COMMD7: variants seen among roughly 807,000 people sequenced by gnomAD.
COMMD7 encodes the protein COMM domain-containing protein 7.
A neutral mutation model predicts 34.8 loss-of-function variants in COMMD7; 28 were observed. The ratio of observed to expected loss-of-function variants is 0.80; its 90% CI spans 0.60 to 1.10. COMMD7 has a LOEUF of 1.10. Ranked by LOEUF, COMMD7 falls within the 50% of genes least tolerant of loss-of-function variation. The pLI is 0.00. For missense variants in COMMD7, 211 were observed against 241.6 expected (o/e 0.87, Z 0.84); for synonymous variants, 80 against 86.4 (o/e 0.93, Z 0.41).
intron 3 of COMMD7, among the ~76,000 whole-genome samples, chr20:32,713,360 A>G (rs1033965149): frequency 1.3e-5 from 2 of 152,208 alleles, no homozygotes; most frequent in African/African-American, 4.8e-5. Context: ...ACAGGCACCA[A>G]TTTTCACCAG....
intron 3 of COMMD7, among the ~76,000 whole-genome samples, chr20:32,711,968 A>G (rs1350618968): frequency 6.7e-6 from 1 of 150,332 alleles, no homozygotes; most frequent in East Asian, 2.0e-4. Context: ...GTGGATCACA[A>G]GGTCAAGAGA....
intron 3 of COMMD7, among the ~76,000 whole-genome samples, chr20:32,715,469 C>A (rs1984724011): frequency 6.9e-6 from 1 of 145,416 alleles, no homozygotes; most frequent in South Asian, 2.2e-4. Flanking sequence ...GGCAACACAG[C>A]CGGACCCAGT....
chr20:32,729,153 G>C (rs1233740982), intron 1 of COMMD7, among the ~76,000 whole-genome samples: 1 of 151,320 alleles, frequency 6.6e-6, no homozygotes, highest in Admixed American at 6.6e-5. Context: ...ATAGGGCTGG[G>C]GGCGCTTATT....
At position 32,702,945 on chromosome 20, in the gene COMMD7, G is replaced by A. The variant is rs1416647462; in HGVS notation, c.*437C>T. On this transcript the variant is annotated 3_prime_UTR_variant, in exon 9 of 9. Transcript: ENST00000278980. ...CCAGAGTGTGCAGAAATCCGTGGGG[G>A]CTCTGTATATGTGTCATTCAGACAA... The A allele has an allele frequency of 6.3e-6, 1 of 158,210 alleles. No homozygotes were observed. Among genetic ancestry groups the A allele is most frequent in the Admixed American group, 6.1e-5 (1 of 16,370 alleles). The allele number at this position is 158,210 out of a possible 1,614,324, so 9.8% of individuals were successfully genotyped here. A position where few individuals can be genotyped will look rare whatever the true frequency, so the allele number is the denominator to read the frequency against.
In COMMD7 at chr20:32,743,399, G is replaced by A; in HGVS notation, c.-8C>T. ...GCAGTGCAGGCGGCCCATGGCGCGC[G>A]CCCCAGCCCCGCAGGTTCCACCGCC... On this transcript the variant is annotated 5_prime_UTR_variant, in exon 1 of 9. Coordinates refer to ENST00000278980, the MANE Select transcript of COMMD7 (RefSeq NM_053041.3). The A allele has an allele frequency of 7.4e-7, 1 of 1,355,372 alleles. No individual in the cohort carries two copies. 84.0% of individuals were successfully genotyped at this position (1,355,372 alleles called of 1,614,324 possible).
In COMMD7 at chr20:32,728,009, A is replaced by G; in HGVS notation, c.139-14T>C. 1 of 1,613,470 alleles carries G rather than the reference A, an allele frequency of 6.2e-7. No individual in the cohort carries two copies. The highest frequency in any genetic ancestry group is 1.3e-5 in the African/African-American group (1 of 75,036). ...AAATCTTTCCACCTGCAGAGAGAGA[A>G]CAGTGAAAACCCGGGCCTTCACTTT... is the stretch of plus-strand genomic sequence containing the variant. On this transcript the variant is annotated splice_polypyrimidine_tract_variant and intron_variant, in intron 2 of 8. Coordinates refer to ENST00000278980, the MANE Select transcript of COMMD7 (RefSeq NM_053041.3).
chr20:32,713,825 G>C (rs1600974834), intron 3 of COMMD7, among the ~76,000 whole-genome samples: 1 of 152,312 alleles, frequency 6.6e-6, no homozygotes, highest in East Asian at 1.9e-4. Context: ...CAGGGTATAA[G>C]AAGGGGGAGG....
At chr20:32,717,264 C>CCTGTCTCA (rs1398758768) in intron 3 of COMMD7, among the ~76,000 whole-genome samples, 1 of 151,938 alleles carries the variant, frequency 6.6e-6, no homozygotes, top group Admixed American at 6.6e-5. Flanking sequence ...AAGGTATCTT[C>CCTGTCTCA]CTGTCTCAGC....
intron 1 of COMMD7, 71 bp downstream of exon 1, chr20:32,743,237 T>TGCCCCCCCCCCCC: frequency 7.6e-6 from 4 of 526,956 alleles, no homozygotes; most frequent in East Asian, 5.2e-5. Flanking sequence ...CCCCCGGACG[T>TGCCCCCCCCCCCC]CCCCCCCACC....
In COMMD7 at chr20:32,719,611, T is replaced by C. The variant is rs542889381; in HGVS notation, c.241+8282A>G. On this transcript the variant is annotated intron_variant, in intron 3 of 8. Coordinates refer to ENST00000278980, the MANE Select transcript of COMMD7 (RefSeq NM_053041.3). ...CTGGCAGTGAGCCAAGATGGCACCT[T>C]TGCACTCCAGACTGGGCAACAAGAG... 8.5e-5 allele frequency among the ~76,000 whole-genome samples: 13 copies of C among 152,078 alleles called. No homozygotes were observed. The East Asian group carries it at 2.5e-3, about 29-fold the overall frequency.
intron 3 of COMMD7, among the ~76,000 whole-genome samples, chr20:32,712,804 T>A (rs1338528347): frequency 7.2e-6 from 1 of 139,208 alleles, no homozygotes; most frequent in African/African-American, 2.7e-5. Flanking sequence ...CAGACTGGAA[T>A]GCAGTGGTGC....
chr20:32,728,175 A>G, intron 1 of COMMD7, 33 bp from the exon 2 acceptor site: 2 of 1,610,970 alleles, frequency 1.2e-6, no homozygotes, highest in African/African-American at 1.3e-5. Context: ...CATCAGTACA[A>G]TTTCTACTAC....
intron 3 of COMMD7, among the ~76,000 whole-genome samples, chr20:32,722,879 G>T (rs1313195295): frequency 6.6e-6 from 1 of 150,500 alleles, no homozygotes; most frequent in Non-Finnish European, 1.5e-5. Context: ...AAAATTAGCC[G>T]GGCGTGGTGG....
intron 1 of COMMD7, among the ~76,000 whole-genome samples, chr20:32,742,135 C>G (rs1202328319): frequency 6.6e-6 from 1 of 151,860 alleles, no homozygotes; most frequent in Non-Finnish European, 1.5e-5. Flanking sequence ...TGCAGTGACC[C>G]GAGATCGCGC....
At chr20:32,715,757 T>C (rs1984742854) in intron 3 of COMMD7, among the ~76,000 whole-genome samples, 1 of 152,050 alleles carries the variant, frequency 6.6e-6, no homozygotes, top group Non-Finnish European at 1.5e-5. Flanking sequence ...CAGTGAACTG[T>C]GATCATGCCA....
intron 3 of COMMD7, among the ~76,000 whole-genome samples, chr20:32,712,269 CAAAAAAAAAAAAA>C (rs56096713): frequency 2.8e-5 from 2 of 71,826 alleles, no homozygotes; most frequent in East Asian, 9.2e-4. Context: ...GACTCCGTCT[CAAAAAAAAAAAAA>C]AAAAAAAAAA....
At chr20:32,714,645 G>A (rs2145729544) in intron 3 of COMMD7, among the ~76,000 whole-genome samples, 1 of 150,282 alleles carries the variant, frequency 6.7e-6, no homozygotes, top group East Asian at 2.0e-4. Context: ...CCAATACGGT[G>A]AAACCTCGTC....
Position 32,704,019 on chromosome 20 carries a change from T to C in COMMD7, c.526+4A>G. 1.9e-6 allele frequency: 3 copies of C among 1,614,064 alleles called. No individual in the cohort carries two copies. In the East Asian group the frequency reaches 6.7e-5, roughly 36 times the overall value. On this transcript the variant is annotated splice_donor_region_variant and intron_variant, in intron 8 of 8. Coordinates refer to ENST00000278980, the MANE Select transcript of COMMD7 (RefSeq NM_053041.3). Reference sequence around the variant, plus strand: ...AAGAGGCTCAAGTGGGAATTCAGACTCACCTATATACACATTTTCGGTTTG... The same window carrying C: ...AAGAGGCTCAAGTGGGAATTCAGACCCACCTATATACACATTTTCGGTTTG...
At chr20:32,717,083 G>A (rs1044334392) in intron 3 of COMMD7, among the ~76,000 whole-genome samples, 10 of 151,914 alleles carry the variant, frequency 6.6e-5, no homozygotes, top group African/African-American at 1.7e-4. Flanking sequence ...CACATGCCTC[G>A]GCCTCCCAAA....
Sources: allele counts gnomAD v4.1 joint callset (sites outside exome capture counted in the v4.1 genomes callset), GRCh38; gene constraint gnomAD v4.1.1; transcripts MANE v1.5; gene names NCBI Gene and HGNC (gene_info 2026-07-23, HGNC 2026-07-21).